The following HYCC1 variants were observed in gnomAD, a reference collection of about 807,000 sequenced individuals.
The protein encoded by HYCC1 is hyccin.
chr7:22,978,474 C>A, the HYCC1 span: 1 of 1,588,772 alleles, frequency 6.3e-7, no homozygotes, highest in South Asian at 1.1e-5. Flanking sequence ...AATGTTAATT[C>A]AAGAACTGGA....
At chr7:22,933,718 A>G in the HYCC1 span, among the ~76,000 whole-genome samples, 1 of 152,176 alleles carries the variant, frequency 6.6e-6, no homozygotes, top group Non-Finnish European at 1.5e-5. Context: ...TGAATTTTTA[A>G]AATAGATTCT....
the HYCC1 span, among the ~76,000 whole-genome samples, chr7:22,922,652 A>G: frequency 6.6e-6 from 1 of 152,252 alleles, no homozygotes; most frequent in East Asian, 1.9e-4. Context: ...GACCATCTGT[A>G]TATGTTGTCT....
chr7:22,924,279 C>T, the HYCC1 span, among the ~76,000 whole-genome samples: 29,290 of 151,770 alleles, frequency 0.19, 3,447 homozygotes, highest in Non-Finnish European at 0.26. Flanking sequence ...GGGTGATTTC[C>T]GCATTTCCAA....
At chr7:23,008,821 C>G in the HYCC1 span, among the ~76,000 whole-genome samples, 3 of 151,972 alleles carry the variant, frequency 2.0e-5, no homozygotes, top group Non-Finnish European at 4.4e-5. Flanking sequence ...TGAACCATCA[C>G]TCTACATTAA....
chr7:22,980,975 C>A, the HYCC1 span, among the ~76,000 whole-genome samples: 1 of 152,178 alleles, frequency 6.6e-6, no homozygotes, highest in Non-Finnish European at 1.5e-5. Context: ...GGCCTTTCCA[C>A]CTACAGTTCC....
chr7:22,960,440 G>A, the HYCC1 span: 2 of 1,585,614 alleles, frequency 1.3e-6, no homozygotes, highest in South Asian at 2.2e-5. Context: ...TATAGTTTAA[G>A]ATCAACATGA....
the HYCC1 span, among the ~76,000 whole-genome samples, chr7:22,907,131 A>G: frequency 6.9e-6 from 1 of 144,442 alleles, no homozygotes; most frequent in Non-Finnish European, 1.5e-5. Flanking sequence ...AAAAAAAAAA[A>G]GCAATGGTTC....
chr7:22,975,387 T>C, the HYCC1 span, among the ~76,000 whole-genome samples: 6 of 152,338 alleles, frequency 3.9e-5, no homozygotes, highest in East Asian at 1.9e-4. Flanking sequence ...CATACTATCA[T>C]TAACTACTCT....
At chr7:22,958,519 G>A in the HYCC1 span, among the ~76,000 whole-genome samples, 1 of 152,260 alleles carries the variant, frequency 6.6e-6, no homozygotes, top group South Asian at 2.1e-4. Flanking sequence ...CTACTTTAAT[G>A]AGGGTACAAT....
the HYCC1 span, among the ~76,000 whole-genome samples, chr7:22,956,678 T>G: frequency 1.3e-5 from 2 of 151,834 alleles, no homozygotes; most frequent in African/African-American, 4.8e-5. Flanking sequence ...GTTGATATAC[T>G]GGGGGAGGCT....
the HYCC1 span, among the ~76,000 whole-genome samples, chr7:23,008,807 T>C: frequency 1.3e-5 from 2 of 152,004 alleles, no homozygotes; most frequent in African/African-American, 2.4e-5. Context: ...AGCATTAAAA[T>C]AACTGAACCA....
At chr7:22,896,608 T>C in the HYCC1 span, among the ~76,000 whole-genome samples, 4 of 152,218 alleles carry the variant, frequency 2.6e-5, no homozygotes, top group African/African-American at 9.6e-5. Flanking sequence ...TACAATTGTC[T>C]TTTGGTTATT....
At chr7:22,919,120 T>A in the HYCC1 span, among the ~76,000 whole-genome samples, 14 of 152,136 alleles carry the variant, frequency 9.2e-5, no homozygotes, top group Non-Finnish European at 2.1e-4. Context: ...GAGGCATACA[T>A]GGGAACAAAA....
the HYCC1 span, among the ~76,000 whole-genome samples, chr7:22,914,856 A>G: frequency 2.0e-5 from 3 of 151,830 alleles, no homozygotes; most frequent in African/African-American, 7.3e-5. Flanking sequence ...TAATCCTTCT[A>G]TCACCTCCCC....
At chr7:22,976,592 T>C in the HYCC1 span, 2 of 780,996 alleles carry the variant, frequency 2.6e-6, no homozygotes, top group South Asian at 1.5e-5. Flanking sequence ...TTCAAATAAA[T>C]TGTCACACAC....
chr7:22,896,282 T>C, the HYCC1 span, among the ~76,000 whole-genome samples: 2 of 152,216 alleles, frequency 1.3e-5, no homozygotes, highest in African/African-American at 4.8e-5. Context: ...ATAAATTGAA[T>C]ATGACTCTAA....
the HYCC1 span, among the ~76,000 whole-genome samples, chr7:22,958,957 G>A: frequency 2.0e-5 from 3 of 152,040 alleles, no homozygotes; most frequent in Non-Finnish European, 2.9e-5. Flanking sequence ...CATTGCCTCC[G>A]TGCCTGTTCT....
the HYCC1 span, among the ~76,000 whole-genome samples, chr7:23,002,174 A>T: frequency 3.9e-5 from 1 of 25,800 alleles, no homozygotes; most frequent in Non-Finnish European, 8.8e-5. Flanking sequence ...ATATATATAT[A>T]TACATATAGT....
the HYCC1 span, among the ~76,000 whole-genome samples, chr7:22,952,465 C>G: frequency 6.6e-6 from 1 of 151,988 alleles, no homozygotes; most frequent in East Asian, 1.9e-4. Flanking sequence ...TGGCTTAGTA[C>G]GTTGAAGTGT....
Sources: gnomAD v4.1 joint callset for allele counts (sites outside exome capture counted in the v4.1 genomes callset) on GRCh38, gnomAD v4.1.1 for gene constraint, MANE v1.5 for transcripts, NCBI Gene and HGNC (gene_info 2026-07-23, HGNC 2026-07-21) for gene names.